KCNIP1: variants seen among roughly 807,000 people sequenced by gnomAD.
The protein encoded by KCNIP1 is A-type potassium channel modulatory protein KCNIP1.
In KCNIP1, 18 loss-of-function variants were observed where a neutral mutation model predicts 33.0. The ratio of observed to expected loss-of-function variants is 0.55; its 90% confidence interval spans 0.38 to 0.81. The LOEUF is 0.81. Among genes scored for constraint, KCNIP1 ranks in the 30% least tolerant of loss-of-function variants. KCNIP1 has a pLI of 0.00. For missense variants in KCNIP1, 238 were observed against 271.6 expected (o/e 0.88, Z 0.87); for synonymous variants, 93 against 98.3 (o/e 0.95, Z 0.32).
At chr5:170,371,941 T>G (rs559525131) in intron 1 of KCNIP1, among the ~76,000 whole-genome samples, 2 of 152,310 alleles carry the variant, frequency 1.3e-5, no homozygotes, top group East Asian at 3.9e-4. Context: ...TACCAACTAG[T>G]TTGGACACCA....
intron 1 of KCNIP1, among the ~76,000 whole-genome samples, chr5:170,468,751 T>C (rs1756661633): frequency 6.6e-6 from 1 of 151,752 alleles, no homozygotes. Context: ...TAGCTGGATG[T>C]GGTGGCACAC....
intron 1 of KCNIP1, among the ~76,000 whole-genome samples, chr5:170,440,003 T>A (rs1049915644): frequency 6.6e-6 from 1 of 152,220 alleles, no homozygotes; most frequent in Non-Finnish European, 1.5e-5. Context: ...AATGGGACTG[T>A]TCTTGGAGAC....
chr5:170,354,032 G>A (rs1763281482), intron 1 of KCNIP1: 2 of 1,388,466 alleles, frequency 1.4e-6, no homozygotes. Context: ...TTGCCTCGGT[G>A]TGGTGAGCGT....
chr5:170,383,913 A>G (rs1764360933), intron 1 of KCNIP1: 2 of 1,538,386 alleles, frequency 1.3e-6, no homozygotes, highest in Non-Finnish European at 1.8e-6. Flanking sequence ...CAGAACACCC[A>G]TTTGAACCCA....
chr5:170,418,513 C>T (rs1284550526), intron 1 of KCNIP1, among the ~76,000 whole-genome samples: 6 of 152,214 alleles, frequency 3.9e-5, no homozygotes, highest in African/African-American at 1.4e-4. Flanking sequence ...CCTTGGCTCC[C>T]TGCTTCCCCC....
At chr5:170,621,211 A>G (rs1220472703) in intron 1 of KCNIP1, among the ~76,000 whole-genome samples, 1 of 152,216 alleles carries the variant, frequency 6.6e-6, no homozygotes, top group Non-Finnish European at 1.5e-5. Context: ...AGATTCCAAG[A>G]CATTAGGCAT....
At position 170,562,550 on chromosome 5, in the gene KCNIP1, C is replaced by CA. The variant is rs1455822450; in HGVS notation, c.61+57920dup. ...GGCCTCTCCTCCCTTGTCCAGTTCCCAAAGCTCAGTGGGTCCCCGCAAATG... is the reference window on the plus strand; with the variant it reads ...GGCCTCTCCTCCCTTGTCCAGTTCCCAAAAGCTCAGTGGGTCCCCGCAAATG... On this transcript the variant is annotated intron_variant, in intron 1 of 7. Coordinates refer to ENST00000328939, the MANE Select transcript of KCNIP1 (RefSeq NM_014592.4). 3.3e-5 allele frequency among the ~76,000 whole-genome samples: 5 copies of CA among 152,264 alleles called. No homozygotes were observed. In the East Asian group the frequency reaches 9.6e-4, roughly 29 times the overall value.
chr5:170,574,426 G>A (rs1757524469), intron 1 of KCNIP1, among the ~76,000 whole-genome samples: 1 of 152,146 alleles, frequency 6.6e-6, no homozygotes, highest in South Asian at 2.1e-4. Flanking sequence ...GTGAATTAGC[G>A]AGTGCCAGCA....
chr5:170,397,868 A>G (rs1754801380), intron 1 of KCNIP1, among the ~76,000 whole-genome samples: 4 of 152,178 alleles, frequency 2.6e-5, no homozygotes, highest in African/African-American at 9.7e-5. Context: ...TTCAGTCCAG[A>G]AAGGTGGGAC....
At chr5:170,691,082 C>T (rs74692898) in intron 1 of KCNIP1, among the ~76,000 whole-genome samples, 14 of 152,334 alleles carry the variant, frequency 9.2e-5, no homozygotes, top group African/African-American at 3.1e-4. Flanking sequence ...AGAAGGGATG[C>T]GACCTAGCCA....
chr5:170,705,147 G>A (rs1763216856), intron 1 of KCNIP1, among the ~76,000 whole-genome samples: 2 of 152,128 alleles, frequency 1.3e-5, no homozygotes, highest in Admixed American at 1.3e-4. Context: ...CTAATCAAAG[G>A]CATTTGAGTG....
At chr5:170,481,393 C>CCTG (rs145931479) in intron 1 of KCNIP1, among the ~76,000 whole-genome samples, 89 of 151,094 alleles carry the variant, frequency 5.9e-4, no homozygotes, top group East Asian at 3.3e-3. Context: ...TAGTACTACT[C>CCTG]CTGCTGCTGC....
At chr5:170,547,081 T>C (rs191590318) in intron 1 of KCNIP1, among the ~76,000 whole-genome samples, 1 of 152,360 alleles carries the variant, frequency 6.6e-6, no homozygotes, top group East Asian at 1.9e-4. Context: ...ATCATTCCTC[T>C]GCCTCTGGCT....
chr5:170,578,081 GTCTTGAGT>G (rs1757665322), intron 1 of KCNIP1, among the ~76,000 whole-genome samples: 2 of 152,232 alleles, frequency 1.3e-5, no homozygotes, highest in African/African-American at 4.8e-5. Context: ...CAACAAACAT[GTCTTGAGT>G]GCCCACTATG....
intron 1 of KCNIP1, among the ~76,000 whole-genome samples, chr5:170,458,637 T>A (rs1232292921): frequency 6.6e-6 from 1 of 152,128 alleles, no homozygotes; most frequent in Admixed American, 6.5e-5. Flanking sequence ...CTTTTTCAGA[T>A]AAACAAATGC....
At chr5:170,420,537 A>AAT (rs1325354890) in intron 1 of KCNIP1, 3 of 151,828 alleles carry the variant, frequency 2.0e-5, no homozygotes, top group Non-Finnish European at 4.4e-5. Context: ...CCAACTCAAA[A>AAT]AAAAAAAAAA....
chr5:170,612,436 G>A lies in KCNIP1; in HGVS notation c.62-106322G>A, dbSNP rs144128430. Among the ~76,000 whole-genome samples the A allele has an allele frequency of 7.2e-5, 11 of 152,286 alleles. 1 individual carries two copies. In the East Asian group the frequency reaches 7.7e-4, roughly 11 times the overall value. ...CTTGCTCTCCTGGCGGCTCCCTTTC[G>A]GAGACTAATGGGGATGACTAGAGAG... On this transcript the variant is annotated intron_variant, in intron 1 of 7. Transcript: ENST00000328939.
At chr5:170,603,312 C>T (rs954930856) in intron 1 of KCNIP1, among the ~76,000 whole-genome samples, 5 of 152,230 alleles carry the variant, frequency 3.3e-5, no homozygotes, top group African/African-American at 4.8e-5. Context: ...GTCCAAATCA[C>T]ACCTCTGGCG....
At chr5:170,689,379 T>C (rs919533758) in intron 1 of KCNIP1, among the ~76,000 whole-genome samples, 6 of 152,220 alleles carry the variant, frequency 3.9e-5, no homozygotes, top group Non-Finnish European at 7.3e-5. Context: ...ATACTCTGTA[T>C]GCATGGTCAT....
Sources: gnomAD v4.1 joint callset for allele counts (sites outside exome capture counted in the v4.1 genomes callset) on GRCh38, gnomAD v4.1.1 for gene constraint, MANE v1.5 for transcripts, NCBI Gene and HGNC (gene_info 2026-07-23, HGNC 2026-07-21) for gene names.